SCHIP1: variants seen among roughly 807,000 people sequenced by gnomAD.
The protein encoded by SCHIP1 is schwannomin interacting protein 1.
SCHIP1 carries 8 observed loss-of-function variants against 29.7 expected under a neutral mutation model. The observed-to-expected ratio is 0.27, with a 90% CI of 0.16 to 0.49. The LOEUF (loss-of-function observed/expected upper bound fraction) is 0.49, where lower values mean the gene tolerates loss of function less well. Ranked by LOEUF, SCHIP1 falls within the 20% of genes least tolerant of loss-of-function variation. SCHIP1 has a pLI of 0.99. For synonymous variants in SCHIP1, 76 were observed against 94.9 expected, an observed-to-expected ratio of 0.80 and a Z score of 1.16; for missense variants, 193 against 294.6, an observed-to-expected ratio of 0.66 and a Z score of 2.52.
At chr3:159,858,547 TAAG>T in intron 1 of SCHIP1, among the ~76,000 whole-genome samples, 1 of 152,312 alleles carries the variant, frequency 6.6e-6, no homozygotes, top group African/African-American at 2.4e-5. Flanking sequence ...CCCTGTAGCA[TAAG>T]AAGGAATGCA....
the SCHIP1 span, among the ~76,000 whole-genome samples, chr3:159,485,402 G>GA: frequency 6.6e-6 from 1 of 152,140 alleles, no homozygotes; most frequent in Non-Finnish European, 1.5e-5. Flanking sequence ...TGTCGATGGG[G>GA]AAAAAACATT....
chr3:159,608,463 C>T, the SCHIP1 span, among the ~76,000 whole-genome samples: 12 of 152,342 alleles, frequency 7.9e-5, no homozygotes, highest in South Asian at 2.3e-3. Flanking sequence ...CTGCACACAA[C>T]ACTGTCCGTC....
chr3:159,393,170 T>C, the SCHIP1 span, among the ~76,000 whole-genome samples: 1 of 152,230 alleles, frequency 6.6e-6, no homozygotes, highest in Non-Finnish European at 1.5e-5. Flanking sequence ...GTTTGTTTTT[T>C]TCTTGTAAAT....
chr3:159,499,704 G>A, the SCHIP1 span, among the ~76,000 whole-genome samples: 1 of 152,184 alleles, frequency 6.6e-6, no homozygotes, highest in South Asian at 2.1e-4. Context: ...CTAGTGCATA[G>A]TAATAATCAT....
At chr3:159,413,704 AGGCATTGACCT>A in the SCHIP1 span, among the ~76,000 whole-genome samples, 2 of 152,168 alleles carry the variant, frequency 1.3e-5, no homozygotes. Flanking sequence ...TGCAAAATAA[AGGCATTGACCT>A]GGCTACCTTT....
At chr3:159,560,835 G>C in the SCHIP1 span, among the ~76,000 whole-genome samples, 1 of 152,140 alleles carries the variant, frequency 6.6e-6, no homozygotes. Context: ...GGGGTGCTCC[G>C]AGCAGATGGA....
the SCHIP1 span, among the ~76,000 whole-genome samples, chr3:159,649,650 T>C: frequency 6.6e-6 from 1 of 152,100 alleles, no homozygotes; most frequent in African/African-American, 2.4e-5. Flanking sequence ...CCAATGCAAA[T>C]AATTTCAGCA....
chr3:159,714,229 C>G, the SCHIP1 span, among the ~76,000 whole-genome samples: 4 of 152,080 alleles, frequency 2.6e-5, no homozygotes, highest in African/African-American at 7.2e-5. Context: ...GAGCGAGATC[C>G]TGTCTCAAAA....
the SCHIP1 span, among the ~76,000 whole-genome samples, chr3:159,499,576 A>C: frequency 6.6e-6 from 1 of 152,264 alleles, no homozygotes; most frequent in Non-Finnish European, 1.5e-5. Flanking sequence ...TCAGGTATTC[A>C]TAACTATTAT....
chr3:159,811,052 G>A, the SCHIP1 span, among the ~76,000 whole-genome samples: 1 of 152,080 alleles, frequency 6.6e-6, no homozygotes, highest in Admixed American at 6.5e-5. Flanking sequence ...TTTACCTCAC[G>A]ACTAATGATG....
chr3:159,691,844 CT>C, the SCHIP1 span, among the ~76,000 whole-genome samples: 1 of 152,090 alleles, frequency 6.6e-6, no homozygotes, highest in South Asian at 2.1e-4. Flanking sequence ...GATTTTATTT[CT>C]CCTTCATTTA....
the SCHIP1 span, among the ~76,000 whole-genome samples, chr3:159,282,466 T>C: frequency 1.5e-5 from 2 of 129,818 alleles, no homozygotes; most frequent in South Asian, 2.3e-4. Flanking sequence ...ATTTCAATCT[T>C]TAGAATTTTA....
chr3:159,527,487 A>G, the SCHIP1 span, among the ~76,000 whole-genome samples: 1 of 151,824 alleles, frequency 6.6e-6, no homozygotes, highest in African/African-American at 2.4e-5. Context: ...AAACAACAAA[A>G]CTCTCTTAGT....
At chr3:159,867,324 A>G (rs1001803560) in intron 2 of SCHIP1, among the ~76,000 whole-genome samples, 1 of 152,174 alleles carries the variant, frequency 6.6e-6, no homozygotes, top group African/African-American at 2.4e-5. Flanking sequence ...CATTTAACCA[A>G]CATATTTCTT....
At chr3:159,468,468 A>G in the SCHIP1 span, among the ~76,000 whole-genome samples, 1 of 152,102 alleles carries the variant, frequency 6.6e-6, no homozygotes, top group African/African-American at 2.4e-5. Context: ...TGACCTCACA[A>G]TTAATTTTTA....
At chr3:159,460,357 G>A in the SCHIP1 span, among the ~76,000 whole-genome samples, 1 of 152,192 alleles carries the variant, frequency 6.6e-6, no homozygotes, top group Admixed American at 6.5e-5. Flanking sequence ...TCAAGGAATA[G>A]TTGTAGAGCA....
At chr3:159,637,310 T>C in the SCHIP1 span, among the ~76,000 whole-genome samples, 1 of 149,936 alleles carries the variant, frequency 6.7e-6, no homozygotes, top group East Asian at 2.0e-4. Context: ...GAACAGACAA[T>C]TCCACAGATA....
the SCHIP1 span, among the ~76,000 whole-genome samples, chr3:159,560,884 G>A: frequency 1.3e-5 from 2 of 152,174 alleles, no homozygotes; most frequent in Admixed American, 6.5e-5. Flanking sequence ...ACAGCTCTGC[G>A]ATGGTGTGTG....
chr3:159,578,311 G>C, the SCHIP1 span, among the ~76,000 whole-genome samples: 1 of 152,148 alleles, frequency 6.6e-6, no homozygotes, highest in South Asian at 2.1e-4. Flanking sequence ...ATTGAATTTT[G>C]AAGATTTACT....
Sources: gnomAD v4.1 joint callset for allele counts (sites outside exome capture counted in the v4.1 genomes callset) on GRCh38, gnomAD v4.1.1 for gene constraint, MANE v1.5 for transcripts, NCBI Gene and HGNC (gene_info 2026-07-23, HGNC 2026-07-21) for gene names.